Variants in WAC observed in about 807,000 individuals in gnomAD.
WAC encodes WW domain-containing adapter protein with coiled-coil.
WAC carries 11 observed loss-of-function variants against 79.6 expected under a neutral mutation model. The ratio of observed to expected loss-of-function variants is 0.14; its 90% CI spans 0.09 to 0.23. The LOEUF (loss-of-function observed/expected upper bound fraction) is 0.23. Among genes scored for constraint, WAC ranks in the 10% least tolerant of loss-of-function variants. WAC has a pLI of 1.00. For missense variants in WAC, 728 were observed against 773.5 expected, an observed-to-expected ratio of 0.94 and a Z score of 0.70; for synonymous variants, 304 against 276.9, an observed-to-expected ratio of 1.10 and a Z score of -0.97.
chr10:28,583,391 T>G lies in WAC; in HGVS notation c.275-8T>G. The G allele has an allele frequency of 6.4e-7, 1 of 1,566,520 alleles. No homozygotes were observed. ...CTTGTAATTCACTTTGTTCTTTATT[T>G]TTTTAAGGGACCAGTTACTCTCCAC... On this transcript the variant is annotated splice_region_variant and splice_polypyrimidine_tract_variant and intron_variant, in intron 3 of 13. Transcript: ENST00000354911.
chr10:28,611,998 A>G, intron 10 of WAC, 76 bp downstream of exon 10: 3 of 1,541,614 alleles, frequency 1.9e-6, no homozygotes, highest in South Asian at 1.2e-5. Context: ...AGAATCTGTT[A>G]TAGAAAAAGC....
chr10:28,541,435 T>G (rs889440602), intron 3 of WAC, among the ~76,000 whole-genome samples: 6 of 142,920 alleles, frequency 4.2e-5, no homozygotes, highest in Admixed American at 7.0e-5. Flanking sequence ...TTTTTTTTTT[T>G]TTTTTTTTTT....
intron 6 of WAC, among the ~76,000 whole-genome samples, chr10:28,593,517 C>T (rs373574865): frequency 1.3e-5 from 2 of 152,012 alleles, no homozygotes; most frequent in East Asian, 1.9e-4. Context: ...CCTGTAATCC[C>T]AGCACTTTGG....
intron 3 of WAC, among the ~76,000 whole-genome samples, chr10:28,572,621 G>A (rs1223319157): frequency 6.6e-6 from 1 of 152,036 alleles, no homozygotes; most frequent in Non-Finnish European, 1.5e-5. Context: ...GACCAGCCTG[G>A]GCAATATGGT....
At position 28,620,522 on chromosome 10, in the gene WAC, A is replaced by T. The variant is rs1313554583; in HGVS notation, c.*916A>T. The T allele has an allele frequency of 6.6e-6, 1 of 152,666 alleles. No individual in the cohort carries two copies. Among genetic ancestry groups the T allele is most frequent in the Non-Finnish European group, 1.5e-5 (1 of 68,050 alleles). 9.5% of individuals were successfully genotyped at this position (152,666 alleles called of 1,614,324 possible). On this transcript the variant is annotated 3_prime_UTR_variant, in exon 14 of 14. Transcript: ENST00000354911. ...GATGTGAATTGTATCTGTTGTAATA[A>T]ACATGTTAAAACAAACAAAAATTGT...
At chr10:28,601,966 A>G (rs112404961) in intron 7 of WAC, among the ~76,000 whole-genome samples, 1 of 152,204 alleles carries the variant, frequency 6.6e-6, no homozygotes, top group African/African-American at 2.4e-5. Context: ...TATAGTGGTG[A>G]TAGTTGCACA....
intron 3 of WAC, among the ~76,000 whole-genome samples, chr10:28,578,867 C>G (rs894297731): frequency 9.9e-5 from 15 of 152,206 alleles, no homozygotes; most frequent in Middle Eastern, 6.8e-3. Flanking sequence ...GGACGGTGGT[C>G]TGAAACTAGC....
chr10:28,535,824 G>C (rs1251629048), intron 3 of WAC, 67 bp downstream of exon 3: 3 of 1,335,128 alleles, frequency 2.2e-6, no homozygotes, highest in Non-Finnish European at 3.1e-6. Context: ...AAAGGCGGCA[G>C]TAGTATTTCT....
intron 4 of WAC, among the ~76,000 whole-genome samples, chr10:28,587,191 T>C (rs762700512): frequency 1.1e-4 from 16 of 152,240 alleles, no homozygotes; most frequent in South Asian, 4.1e-4. Context: ...ATTTAAAATA[T>C]CAATTGTAAA....
chr10:28,584,066 A>C (rs1839678529), intron 4 of WAC, among the ~76,000 whole-genome samples: 1 of 152,202 alleles, frequency 6.6e-6, no homozygotes, highest in Admixed American at 6.5e-5. Flanking sequence ...AAAATTAATA[A>C]GGTTTTAATT....
chr10:28,535,154 T>C (rs34216918), intron 2 of WAC: 33,191 of 149,238 alleles, frequency 0.22, 4,531 homozygotes, highest in Non-Finnish European at 0.28. Flanking sequence ...TGCAAAAATA[T>C]GCATGTGCTT....
intron 3 of WAC, 150 bp from the exon 4 acceptor site, chr10:28,583,249 A>G (rs1428768490): frequency 9.8e-6 from 5 of 512,206 alleles, no homozygotes; most frequent in Non-Finnish European, 1.3e-5. Context: ...TTTATATACT[A>G]TAAAAAGTAT....
chr10:28,535,001 A>G (rs1167788914), intron 2 of WAC, among the ~76,000 whole-genome samples: 1 of 152,108 alleles, frequency 6.6e-6, no homozygotes. Context: ...TACTCACATT[A>G]GTTTATTTTG....
In WAC at chr10:28,617,791, CTT is replaced by C. The variant is rs577395455; in HGVS notation, c.1874+9_1874+10del. On this transcript the variant is annotated splice_region_variant and intron_variant, in intron 13 of 13. Coordinates refer to ENST00000354911, the MANE Select transcript of WAC (RefSeq NM_016628.5). ...CAACTTTGCGAGAGCAAAGGTAAGT[CTT>C]TCACTGAAATATATTTTTATGTTTC... 6.4e-6 allele frequency: 10 copies of C among 1,573,428 alleles called. No homozygotes were observed. In the East Asian group the frequency reaches 2.0e-4, roughly 32 times the overall value.
At chr10:28,541,743 GTC>G (rs769277511) in intron 3 of WAC, among the ~76,000 whole-genome samples, 2 of 152,086 alleles carry the variant, frequency 1.3e-5, no homozygotes, top group East Asian at 1.9e-4. Flanking sequence ...TGGAAAGGAA[GTC>G]TCTTCACATA....
Position 28,583,481 on chromosome 10 carries a change from T to C in WAC, c.357T>C (p.Asn119=). 1 of 1,574,686 alleles carries C rather than the reference T, an allele frequency of 6.4e-7. No homozygotes were observed. The highest frequency in any genetic ancestry group is 1.9e-5 in the Admixed American group (1 of 53,674). ...SSNSHSSNPS[N]NPSKTSDAPY... ...ATTCACATTCTTCTAATCCAAGCAA[T>C]AACCCAAGCAAAACTTCAGATGCAG... is the stretch of plus-strand genomic sequence containing the variant. The change falls in exon 4 of 14, where the codon AAT becomes AAC. Residue 119 remains asparagine, a synonymous_variant. Coordinates refer to ENST00000354911, the MANE Select transcript of WAC (RefSeq NM_016628.5).
chr10:28,597,535 C>CTT (rs1038998875), intron 7 of WAC, among the ~76,000 whole-genome samples: 3 of 152,142 alleles, frequency 2.0e-5, no homozygotes, highest in African/African-American at 4.8e-5. Flanking sequence ...TTCCTTCCTG[C>CTT]TTACATATCA....
At chr10:28,597,323 T>C (rs1840429375) in intron 7 of WAC, among the ~76,000 whole-genome samples, 1 of 152,176 alleles carries the variant, frequency 6.6e-6, no homozygotes, top group Non-Finnish European at 1.5e-5. Flanking sequence ...CCATAGGACA[T>C]TTTGGTTTCT....
intron 3 of WAC, among the ~76,000 whole-genome samples, chr10:28,582,266 C>G (rs1323479801): frequency 6.6e-6 from 1 of 152,214 alleles, no homozygotes; most frequent in Non-Finnish European, 1.5e-5. Flanking sequence ...CCTTTGACTT[C>G]TAATAGAAAA....
Sources: allele counts gnomAD v4.1 joint callset (sites outside exome capture counted in the v4.1 genomes callset), GRCh38; gene constraint gnomAD v4.1.1; transcripts MANE v1.5; gene names NCBI Gene and HGNC (gene_info 2026-07-23, HGNC 2026-07-21).